LRFN2: variants seen among roughly 807,000 people sequenced by gnomAD.
The protein encoded by LRFN2 is leucine rich repeat and fibronectin type III domain containing 2.
Under a neutral mutation model 37.3 loss-of-function variants are expected in LRFN2, and 18 were observed. The ratio of observed to expected loss-of-function variants is 0.48; its 90% CI spans 0.33 to 0.72. The LOEUF is 0.72. Among genes scored for constraint, LRFN2 ranks in the 30% least tolerant of loss-of-function variants. LRFN2 has a pLI of 0.02. For missense variants in LRFN2, 1,006 were observed against 1,060.7 expected, an observed-to-expected ratio of 0.95 and a Z score of 0.72; for synonymous variants, 556 against 466.6, an observed-to-expected ratio of 1.19 and a Z score of -2.47.
intron 1 of LRFN2, among the ~76,000 whole-genome samples, chr6:40,501,256 G>A (rs2113876380): frequency 6.6e-6 from 1 of 151,796 alleles, no homozygotes; most frequent in Admixed American, 6.6e-5. Context: ...AGGTTTTCTA[G>A]GAAAGATATA....
At chr6:40,453,857 A>C (rs1764175466) in intron 1 of LRFN2, among the ~76,000 whole-genome samples, 2 of 152,172 alleles carry the variant, frequency 1.3e-5, no homozygotes, top group South Asian at 4.1e-4. Context: ...GCTCAAAGCA[A>C]AATGTTCCCA....
rs370406787 is a variant in LRFN2, at chr6:40,392,348, G to A, written c.1965C>T (p.Arg655=). The change falls in exon 3 of 3, where the codon CGC becomes CGT. Residue 655 remains arginine, a synonymous_variant. Transcript: ENST00000338305. This position sits in a 1 kb window ranked among gnomAD's most constrained non-coding sequence, Gnocchi z 4.7. Reference sequence around the variant, plus strand: ...CCAGGGAGGCGAAGGCCCCCATCAGGCGGTCAAGGCTGGGCTTGGGGCGCG... The same window carrying A: ...CCAGGGAGGCGAAGGCCCCCATCAGACGGTCAAGGCTGGGCTTGGGGCGCG... ...SAPRPKPSLD[R]LMGAFASLDL... 7.5e-6 allele frequency: 12 copies of A among 1,609,370 alleles called. No individual in the cohort carries two copies. The African/African-American group carries it at 1.6e-4, about 21-fold the overall frequency.
intron 1 of LRFN2, among the ~76,000 whole-genome samples, chr6:40,547,540 G>A (rs1372564485): frequency 6.6e-6 from 1 of 152,134 alleles, no homozygotes; most frequent in Admixed American, 6.5e-5. Flanking sequence ...TGACCCTCCA[G>A]GTCCACAGTA....
At chr6:40,561,994 C>T (rs889355510) in intron 1 of LRFN2, among the ~76,000 whole-genome samples, 3 of 152,138 alleles carry the variant, frequency 2.0e-5, no homozygotes, top group African/African-American at 7.2e-5. Context: ...TGGCTCATAG[C>T]AGGTATTCTA....
chr6:40,397,464 C>T lies in LRFN2; in HGVS notation c.1401-4552G>A, dbSNP rs143906303. Among the ~76,000 whole-genome samples, 724 of 152,336 alleles carry T rather than the reference C, an allele frequency of 4.8e-3. 2 individuals carry two copies. Among genetic ancestry groups the T allele is most frequent in the Non-Finnish European group, 7.5e-3 (512 of 68,034 alleles). ...CTCTAGTGCTCCACCTAAAACACAA[C>T]TCTGGCTGTGTCGCCTGCCCACTGA... is the stretch of plus-strand genomic sequence containing the variant. On this transcript the variant is annotated intron_variant, in intron 2 of 2. Coordinates refer to ENST00000338305, the MANE Select transcript of LRFN2 (RefSeq NM_020737.3).
chr6:40,460,918 C>T (rs1156417461), intron 1 of LRFN2, among the ~76,000 whole-genome samples: 1 of 152,216 alleles, frequency 6.6e-6, no homozygotes, highest in Non-Finnish European at 1.5e-5. Context: ...CCTCTTCCTT[C>T]TGGCCAGCTG....
intron 2 of LRFN2, among the ~76,000 whole-genome samples, chr6:40,414,408 G>A (rs1763050003): frequency 6.6e-6 from 1 of 152,170 alleles, no homozygotes; most frequent in African/African-American, 2.4e-5. Context: ...GTAAAATCAA[G>A]GTAATACCAG....
intron 1 of LRFN2, among the ~76,000 whole-genome samples, chr6:40,544,024 C>T (rs2113918005): frequency 6.6e-6 from 1 of 152,372 alleles, no homozygotes; most frequent in Middle Eastern, 3.4e-3. Flanking sequence ...GGCTGCCAAC[C>T]AGCACCACCC....
At chr6:40,520,309 C>T (rs1766022088) in intron 1 of LRFN2, among the ~76,000 whole-genome samples, 1 of 151,930 alleles carries the variant, frequency 6.6e-6, no homozygotes, top group Admixed American at 6.6e-5. Context: ...GGACAGGCAG[C>T]TTAAGGATGT....
chr6:40,526,117 C>A (rs1235551264), intron 1 of LRFN2, among the ~76,000 whole-genome samples: 1 of 152,216 alleles, frequency 6.6e-6, no homozygotes, highest in Admixed American at 6.5e-5. Flanking sequence ...GTAATTTGCA[C>A]AATAATCTCT....
intron 1 of LRFN2, among the ~76,000 whole-genome samples, chr6:40,451,617 C>T (rs575037281): frequency 2.8e-4 from 42 of 152,314 alleles, no homozygotes; most frequent in African/African-American, 9.1e-4. Context: ...GGAGAGCAGA[C>T]ATTTCATTAC....
chr6:40,523,524 TTTTTTTTTTTTA>T (rs1766151515), intron 1 of LRFN2, among the ~76,000 whole-genome samples: 1 of 149,162 alleles, frequency 6.7e-6, no homozygotes. Context: ...TTTTTTTTTT[TTTTTTTTTTTTA>T]CCGATAGCCC....
At chr6:40,466,274 G>A (rs1764464356) in intron 1 of LRFN2, among the ~76,000 whole-genome samples, 1 of 152,190 alleles carries the variant, frequency 6.6e-6, no homozygotes, top group African/African-American at 2.4e-5. Context: ...TAAAGGGAGG[G>A]AAAAGCAGGA....
intron 1 of LRFN2, among the ~76,000 whole-genome samples, chr6:40,494,218 G>C (rs1313317756): frequency 1.3e-5 from 2 of 152,186 alleles, no homozygotes; most frequent in Non-Finnish European, 2.9e-5. Flanking sequence ...GGTCACCTGG[G>C]ATAAGTAACA....
intron 1 of LRFN2, among the ~76,000 whole-genome samples, chr6:40,556,670 C>CAA (rs1379842794): frequency 4.7e-5 from 7 of 148,786 alleles, no homozygotes; most frequent in African/African-American, 1.7e-4. Context: ...CTCTCTCTCT[C>CAA]TCTCTCTCTC....
At chr6:40,536,941 C>T (rs1429694783) in intron 1 of LRFN2, among the ~76,000 whole-genome samples, 1 of 152,214 alleles carries the variant, frequency 6.6e-6, no homozygotes, top group African/African-American at 2.4e-5. Flanking sequence ...AGGCTTTACA[C>T]CTCCAAGCTT....
chr6:40,513,373 A>G (rs1163000457), intron 1 of LRFN2, among the ~76,000 whole-genome samples: 1 of 152,038 alleles, frequency 6.6e-6, no homozygotes, highest in Non-Finnish European at 1.5e-5. Context: ...AGCTGGGATT[A>G]CAGGTGCATG....
chr6:40,579,169 C>A (rs1245433617), intron 1 of LRFN2, among the ~76,000 whole-genome samples: 5 of 152,198 alleles, frequency 3.3e-5, no homozygotes, highest in African/African-American at 9.7e-5. Context: ...GCCTGGGGAA[C>A]CACCCTCTCC....
intron 1 of LRFN2, among the ~76,000 whole-genome samples, chr6:40,450,000 C>T (rs1169746267): frequency 6.6e-6 from 1 of 152,160 alleles, no homozygotes; most frequent in Non-Finnish European, 1.5e-5. Flanking sequence ...GGTGGCATCC[C>T]AGCCCCCTCC....
Sources: allele counts gnomAD v4.1 joint callset (sites outside exome capture counted in the v4.1 genomes callset), GRCh38; gene constraint gnomAD v4.1.1; non-coding constraint Gnocchi (gnomAD v3.1); transcripts MANE v1.5; gene names NCBI Gene and HGNC (gene_info 2026-07-23, HGNC 2026-07-21).